Variants in TMEM98 observed in about 807,000 individuals in gnomAD.
TMEM98 encodes the protein transmembrane protein 98.
TMEM98 carries 18 observed loss-of-function variants against 25.0 expected under a neutral mutation model. The ratio of observed to expected loss-of-function variants is 0.72; its 90% CI spans 0.50 to 1.07. The LOEUF is 1.07. TMEM98 is among the 50% of genes least tolerant of loss of function. The probability of loss-of-function intolerance (pLI) is 0.00; values close to 1 mark genes in which losing one functional copy is unlikely to be tolerated. For synonymous variants in TMEM98, 103 were observed against 112.4 expected (o/e 0.92, Z 0.53); for missense variants, 241 against 289.0 (o/e 0.83, Z 1.20).
At position 32,929,780 on chromosome 17, in the gene TMEM98, T is replaced by A. The variant is rs551356383; in HGVS notation, c.-131+1543T>A. ...CAACCTTGTCTACCTGGCAAACTCC[T>A]GCTCATCCTTCAAAACCCAGCTCTA... is the stretch of plus-strand genomic sequence containing the variant. On this transcript the variant is annotated intron_variant, in intron 1 of 7. Coordinates refer to ENST00000579849, the MANE Select transcript of TMEM98 (RefSeq NM_015544.3). Among the ~76,000 whole-genome samples, 89 of 152,308 alleles carry A rather than the reference T, an allele frequency of 5.8e-4. 1 individual carries two copies. The highest frequency in any genetic ancestry group is 2.1e-3 in the African/African-American group (86 of 41,570).
In TMEM98 at chr17:32,943,480, G is replaced by A. The variant is rs1482441039; in HGVS notation, c.*2487G>A. Reference sequence around the variant, plus strand: ...CTAGTTCTCTAGCGTCTGTATACATGGTAGTAGAGCCTTCCTTCCATGTCT... The same window carrying A: ...CTAGTTCTCTAGCGTCTGTATACATAGTAGTAGAGCCTTCCTTCCATGTCT... On this transcript the variant is annotated 3_prime_UTR_variant, in exon 8 of 8. Transcript: ENST00000579849. 6.6e-6 allele frequency: 1 copy of A among 152,180 alleles called. No individual in the cohort carries two copies. Among genetic ancestry groups the A allele is most frequent in the African/African-American group, 2.4e-5 (1 of 41,414 alleles). 9.4% of individuals were successfully genotyped at this position (152,180 alleles called of 1,614,324 possible).
At chr17:32,939,621 C>A in intron 7 of TMEM98, 85 bp downstream of exon 7, 2 of 1,551,774 alleles carry the variant, frequency 1.3e-6, no homozygotes, top group Non-Finnish European at 1.8e-6. Context: ...GGCTGACTGG[C>A]TTGTGTAGGG....
chr17:32,933,083 C>T, intron 3 of TMEM98, 91 bp from the exon 4 acceptor site: 1 of 1,534,684 alleles, frequency 6.5e-7, no homozygotes, highest in Non-Finnish European at 8.8e-7. Flanking sequence ...GACTCCCTTA[C>T]TTCTTTTATG....
At chr17:32,940,238 G>A (rs181851208) in intron 7 of TMEM98, among the ~76,000 whole-genome samples, 9 of 152,096 alleles carry the variant, frequency 5.9e-5, no homozygotes, top group African/African-American at 1.9e-4. Flanking sequence ...CATATAAAAG[G>A]TATTCTACAG....
chr17:32,936,252 G>T, intron 5 of TMEM98, 80 bp from the exon 6 acceptor site: 4 of 1,137,688 alleles, frequency 3.5e-6, no homozygotes, highest in Non-Finnish European at 5.2e-6. Flanking sequence ...CTCACGGCAG[G>T]GCTGATTTGT....
chr17:32,931,217 A>C (rs113311782), intron 1 of TMEM98, 110 bp from the exon 2 acceptor site: 7 of 266,772 alleles, frequency 2.6e-5, no homozygotes, highest in Non-Finnish European at 4.2e-5. Flanking sequence ...AAAACAAACA[A>C]ACACAAACAA....
chr17:32,929,972 C>T (rs567171291), intron 1 of TMEM98, among the ~76,000 whole-genome samples: 1 of 152,274 alleles, frequency 6.6e-6, no homozygotes, highest in Admixed American at 6.5e-5. Flanking sequence ...TCTGTCCTAT[C>T]TATCTCCAAT....
intron 4 of TMEM98, 131 bp downstream of exon 4, chr17:32,933,436 T>A: frequency 3.9e-6 from 5 of 1,275,518 alleles, no homozygotes; most frequent in Non-Finnish European, 5.5e-6. Context: ...CCTGTGCCTT[T>A]AGTGTGGGGG....
Position 32,944,203 on chromosome 17 carries a change from A to G in TMEM98, c.*3210A>G, listed in dbSNP as rs994724060. ...CGAGCAGACTTTTAGAAAATGGCCT[A>G]CAGTTCAAAGGCCCTGCATTGCTTT... On this transcript the variant is annotated 3_prime_UTR_variant, in exon 8 of 8. Transcript: ENST00000579849. 6.6e-6 allele frequency: 1 copy of G among 152,234 alleles called. No individual in the cohort carries two copies. Among genetic ancestry groups the G allele is most frequent in the African/African-American group, 2.4e-5 (1 of 41,446 alleles). The allele number at this position is 152,234 out of a possible 1,614,324, so 9.4% of individuals were successfully genotyped here. A position where few individuals can be genotyped will look rare whatever the true frequency, so the allele number is the denominator to read the frequency against.
rs748554883 is a variant in TMEM98, at chr17:32,940,830, C to T, written c.518C>T (p.Thr173Ile). 6.2e-7 allele frequency: 1 copy of T among 1,614,170 alleles called. No individual in the cohort carries two copies. The highest frequency in any genetic ancestry group is 1.1e-5 in the South Asian group (1 of 91,084). The change falls in exon 8 of 8, where the codon ACA becomes ATA. Residue 173 changes from threonine (T) to isoleucine (I), a missense_variant. Transcript: ENST00000579849. ...LLSVSHLVLV[T>I]RNACHLTGGL... is the part of the protein sequence containing the mutation. The stretch of plus-strand genomic sequence containing the variant: ...TCTGTCAGTCACCTGGTGCTGGTGA[C>T]AAGGAATGCCTGCCATCTGACGGGA...
rs957516285 is a variant in TMEM98 at position 32,943,543 on chromosome 17, A to G, written c.*2550A>G. Reference sequence around the variant, plus strand: ...GCCTGGAATAGGAGCATTAGACTCAAATTCTGATGAAAAAGAAATTACTTG... The same window carrying G: ...GCCTGGAATAGGAGCATTAGACTCAGATTCTGATGAAAAAGAAATTACTTG... On this transcript the variant is annotated 3_prime_UTR_variant, in exon 8 of 8. Transcript: ENST00000579849. 12 of 152,248 alleles carry G rather than the reference A, an allele frequency of 7.9e-5. No homozygotes were observed. Among genetic ancestry groups the G allele is most frequent in the African/African-American group, 2.9e-4 (12 of 41,464 alleles). The allele number at this position is 152,248 out of a possible 1,614,324, so 9.4% of individuals were successfully genotyped here.
In TMEM98 at chr17:32,931,501, G is replaced by A. The variant is rs1446360514; in HGVS notation, c.-28G>A. 14 of 1,600,350 alleles carry A rather than the reference G, an allele frequency of 8.7e-6. No individual in the cohort carries two copies. The highest frequency in any genetic ancestry group is 8.5e-5 in the Admixed American group (5 of 58,704). On this transcript the variant is annotated 5_prime_UTR_variant, in exon 3 of 8. Transcript: ENST00000579849. ...TTTAGCCCATGAGGAGGATGTGACC[G>A]GGACTGAGTCAGGAGCCCTCTGGAA...
chr17:32,939,510 G>T lies in TMEM98; in HGVS notation c.447G>T (p.Pro149=). Residue 149 remains proline, a synonymous_variant, in exon 7 of 8, where the codon CCG becomes CCT. Coordinates refer to ENST00000579849, the MANE Select transcript of TMEM98 (RefSeq NM_015544.3). ...ATGTTGTGAAGTCGATGTACCCTCC[G>T]TTGGACCCCAAACTCCTGGACGCAC... The part of the protein sequence containing the change: ...VDDVVKSMYP[P]LDPKLLDART... 1.2e-6 allele frequency: 2 copies of T among 1,614,052 alleles called. No individual in the cohort carries two copies. Among genetic ancestry groups the T allele is most frequent in the Non-Finnish European group, 1.7e-6 (2 of 1,179,960 alleles).
At chr17:32,935,291 T>A (rs2091490136) in intron 5 of TMEM98, among the ~76,000 whole-genome samples, 1 of 152,174 alleles carries the variant, frequency 6.6e-6, no homozygotes, top group African/African-American at 2.4e-5. Flanking sequence ...ATATGGTTAT[T>A]GATAGAGCTA....
intron 4 of TMEM98, among the ~76,000 whole-genome samples, chr17:32,933,939 A>G (rs1952838810): frequency 6.6e-6 from 1 of 152,136 alleles, no homozygotes; most frequent in South Asian, 2.1e-4. Flanking sequence ...GTGCCTTTTG[A>G]CTTGGGTCTT....
intron 6 of TMEM98, among the ~76,000 whole-genome samples, chr17:32,937,637 C>T (rs1170471817): frequency 6.6e-6 from 1 of 152,160 alleles, no homozygotes; most frequent in Admixed American, 6.5e-5. Context: ...GTCACCCAGG[C>T]TGGAGTGCGG....
At position 32,942,601 on chromosome 17, in the gene TMEM98, C is replaced by G. The variant is rs1369083120; in HGVS notation, c.*1608C>G. 2.0e-5 allele frequency: 3 copies of G among 152,204 alleles called. No homozygotes were observed. Among genetic ancestry groups the G allele is most frequent in the African/African-American group, 7.2e-5 (3 of 41,430 alleles). 9.4% of individuals were successfully genotyped at this position (152,204 alleles called of 1,614,324 possible). ...GCACAATGTACACCAAACCACAGAA[C>G]CACAGCTGGGATATGGAGTCAGGAG... is the stretch of plus-strand genomic sequence containing the variant. On this transcript the variant is annotated 3_prime_UTR_variant, in exon 8 of 8. Transcript: ENST00000579849.
intron 1 of TMEM98, among the ~76,000 whole-genome samples, chr17:32,929,436 C>T (rs1004675329): frequency 2.0e-5 from 3 of 151,984 alleles, no homozygotes; most frequent in East Asian, 3.9e-4. Flanking sequence ...CACTGAGAAG[C>T]GGGAGACGGG....
rs1247970292 is a variant in TMEM98, at chr17:32,939,539, G to T, written c.473+3G>T. The T allele has an allele frequency of 6.2e-7, 1 of 1,614,146 alleles. No homozygotes were observed. On this transcript the variant is annotated splice_donor_region_variant and intron_variant, in intron 7 of 7. Transcript: ENST00000579849. ...GACCCCAAACTCCTGGACGCACGGTGAGACCAGGGGTGGGTGCATGTTCGG... is the reference window on the plus strand; with the variant it reads ...GACCCCAAACTCCTGGACGCACGGTTAGACCAGGGGTGGGTGCATGTTCGG...
Sources: allele counts gnomAD v4.1 joint callset (sites outside exome capture counted in the v4.1 genomes callset), GRCh38; gene constraint gnomAD v4.1.1; transcripts MANE v1.5; gene names NCBI Gene and HGNC (gene_info 2026-07-23, HGNC 2026-07-21).